ZNF676: variants seen among roughly 807,000 people sequenced by gnomAD.
ZNF676 encodes zinc finger protein 676.
Under a neutral mutation model 6.0 loss-of-function variants are expected in ZNF676, and 4 were observed. That is an observed-to-expected ratio of 0.67 (90% CI 0.33 to 1.53). ZNF676 has a LOEUF of 1.53. Ranked by LOEUF, ZNF676 falls within the 40% of genes most tolerant of loss-of-function variation. ZNF676 has a pLI of 0.06. For missense variants in ZNF676, 644 were observed against 679.7 expected (o/e 0.95, Z 0.58); for synonymous variants, 198 against 223.1 (o/e 0.89, Z 1.00).
At chr19:22,233,726 T>C in the ZNF676 span, among the ~76,000 whole-genome samples, 2 of 152,258 alleles carry the variant, frequency 1.3e-5, no homozygotes, top group Admixed American at 6.5e-5. Context: ...TTCAGCACTT[T>C]GTCACTTTGT....
At chr19:22,250,954 C>A in the ZNF676 span, among the ~76,000 whole-genome samples, 25 of 152,200 alleles carry the variant, frequency 1.6e-4, no homozygotes, top group African/African-American at 6.0e-4. Context: ...TCAGGTGATC[C>A]ACTCACCTTG....
At chr19:22,232,860 G>T in the ZNF676 span, among the ~76,000 whole-genome samples, 1 of 151,982 alleles carries the variant, frequency 6.6e-6, no homozygotes, top group Non-Finnish European at 1.5e-5. Flanking sequence ...TATCCATACT[G>T]TTCAATGTAA....
chr19:22,242,347 G>A, the ZNF676 span, among the ~76,000 whole-genome samples: 1 of 151,904 alleles, frequency 6.6e-6, no homozygotes, highest in Non-Finnish European at 1.5e-5. Context: ...TGGGCAAGGT[G>A]CAGGCAAAAC....
chr19:22,245,504 GCCCC>G, the ZNF676 span, among the ~76,000 whole-genome samples: 2 of 141,132 alleles, frequency 1.4e-5, no homozygotes, highest in Non-Finnish European at 3.0e-5. Flanking sequence ...ATGTCACAAT[GCCCC>G]CCCCCCCACC....
At chr19:22,192,509 A>G (rs1296790865) in intron 2 of ZNF676, among the ~76,000 whole-genome samples, 2 of 152,130 alleles carry the variant, frequency 1.3e-5, no homozygotes, top group African/African-American at 2.4e-5. Context: ...TTGAGGAAAA[A>G]TAAAAAAGCA....
upstream of ZNF676, among the ~76,000 whole-genome samples, chr19:22,198,014 T>C (rs2023987118): frequency 6.6e-6 from 1 of 152,208 alleles, no homozygotes; most frequent in African/African-American, 2.4e-5. Context: ...ATAGTATTTC[T>C]TCAGCACTGA....
intron 2 of ZNF676, among the ~76,000 whole-genome samples, chr19:22,189,593 A>G (rs1005382916): frequency 1.3e-4 from 20 of 152,008 alleles, no homozygotes; most frequent in African/African-American, 4.8e-4. Context: ...AACCTACAGA[A>G]TGGGAGAAAA....
chr19:22,185,955 C>T (rs1418581205), intron 2 of ZNF676, among the ~76,000 whole-genome samples: 1 of 152,174 alleles, frequency 6.6e-6, no homozygotes, highest in East Asian at 1.9e-4. Context: ...GGAAAACACT[C>T]TTCAGGATAT....
At chr19:22,248,162 G>A in the ZNF676 span, among the ~76,000 whole-genome samples, 2 of 152,260 alleles carry the variant, frequency 1.3e-5, 1 homozygote, top group Admixed American at 1.3e-4. Flanking sequence ...GGACATTTGG[G>A]TTGGTTCCAA....
At chr19:22,181,694 T>G in intron 2 of ZNF676, 108 bp from the exon 3 acceptor site, 2 of 825,274 alleles carry the variant, frequency 2.4e-6, no homozygotes, top group Admixed American at 6.2e-5. Flanking sequence ...AAGACGACAT[T>G]GCAATATGAC....
chr19:22,250,584 GT>G, the ZNF676 span, among the ~76,000 whole-genome samples: 6 of 151,928 alleles, frequency 3.9e-5, no homozygotes, highest in South Asian at 1.3e-3. Context: ...CTGCCCACCT[GT>G]TTTTTGTTTG....
the ZNF676 span, among the ~76,000 whole-genome samples, chr19:22,259,081 T>G: frequency 3.3e-5 from 5 of 152,144 alleles, no homozygotes; most frequent in African/African-American, 1.2e-4. Flanking sequence ...GGGTCAATGT[T>G]GCAGCAGACC....
At chr19:22,218,438 A>G (rs1468279430), upstream of ZNF676, among the ~76,000 whole-genome samples, 5 of 151,848 alleles carry the variant, frequency 3.3e-5, no homozygotes, top group East Asian at 1.9e-4. Context: ...GGTTCAAGCA[A>G]TTCTCTGCCT....
chr19:22,243,568 C>CA, the ZNF676 span: 1 of 152,084 alleles, frequency 6.6e-6, no homozygotes, highest in Non-Finnish European at 1.5e-5. Context: ...CCCATATGGG[C>CA]AGGGCACAGG....
At chr19:22,188,685 GA>G (rs201088057) in intron 2 of ZNF676, among the ~76,000 whole-genome samples, 1 of 152,034 alleles carries the variant, frequency 6.6e-6, no homozygotes, top group Non-Finnish European at 1.5e-5. Context: ...AAATCAATGT[GA>G]AAAAATCACA....
upstream of ZNF676, among the ~76,000 whole-genome samples, chr19:22,219,486 C>T (rs1293792965): frequency 6.6e-6 from 1 of 152,022 alleles, no homozygotes; most frequent in Non-Finnish European, 1.5e-5. Context: ...TCCTCTTTAC[C>T]AATTTAGATT....
upstream of ZNF676, among the ~76,000 whole-genome samples, chr19:22,219,516 C>G (rs563356223): frequency 2.6e-5 from 4 of 152,260 alleles, no homozygotes; most frequent in Non-Finnish European, 5.9e-5. Flanking sequence ...TTTTGCTTTA[C>G]TCTGATTGCT....
At chr19:22,190,630 CATATATATATAT>C (rs74174059) in intron 2 of ZNF676, among the ~76,000 whole-genome samples, 4,944 of 66,838 alleles carry the variant, frequency 0.074, 415 homozygotes, top group African/African-American at 0.2. Context: ...TAGAATGCAA[CATATATATATAT>C]ATATATATAT....
upstream of ZNF676, among the ~76,000 whole-genome samples, chr19:22,215,966 T>G (rs1248308373): frequency 6.6e-6 from 1 of 152,206 alleles, no homozygotes; most frequent in Non-Finnish European, 1.5e-5. Context: ...CAGGCAGGGC[T>G]TCCTCCCTGA....
Sources: gnomAD v4.1 joint callset for allele counts (sites outside exome capture counted in the v4.1 genomes callset) on GRCh38, gnomAD v4.1.1 for gene constraint, MANE v1.5 for transcripts, NCBI Gene and HGNC (gene_info 2026-07-23, HGNC 2026-07-21) for gene names.